Variants in SLC25A36 observed in about 807,000 individuals in gnomAD.
SLC25A36 encodes the protein solute carrier family 25 member 36.
A neutral mutation model predicts 35.3 loss-of-function variants in SLC25A36; 24 were observed. The observed-to-expected ratio is 0.68, with a 90% CI of 0.49 to 0.96. The LOEUF is 0.96. Ranked by LOEUF, SLC25A36 falls within the 40% of genes least tolerant of loss-of-function variation. SLC25A36 has a pLI of 0.00. For synonymous variants in SLC25A36, 141 were observed against 132.2 expected (o/e 1.07, Z -0.46); for missense variants, 294 against 381.1 (o/e 0.77, Z 1.90).
In SLC25A36 at chr3:140,973,888, A is replaced by G. The variant is rs1438981308; in HGVS notation, c.625A>G (p.Thr209Ala). ...AAAACAAAAACTACTGGAATATAAGACTGCTTCTACAATGGAAAATGATGA... is the reference window on the plus strand; with the variant it reads ...AAAACAAAAACTACTGGAATATAAGGCTGCTTCTACAATGGAAAATGATGA... Reference protein sequence around the residue: ...SIKQKLLEYKTASTMENDEES... With the variant: ...SIKQKLLEYKAASTMENDEES... The change falls in exon 6 of 7, where the codon ACT (threonine) becomes GCT (alanine). Residue 209 changes from threonine to alanine, a missense_variant. By Grantham distance (58) the Thr-to-Ala change is moderately conservative. Coordinates refer to ENST00000324194, the MANE Select transcript of SLC25A36 (RefSeq NM_001104647.3). 1.9e-6 allele frequency: 3 copies of G among 1,613,432 alleles called. No homozygotes were observed. Among genetic ancestry groups the G allele is most frequent in the East Asian group, 2.2e-5 (1 of 44,868 alleles).
At chr3:140,947,439 C>G (rs555996171) in intron 1 of SLC25A36, among the ~76,000 whole-genome samples, 1 of 152,172 alleles carries the variant, frequency 6.6e-6, no homozygotes, top group Admixed American at 6.5e-5. Flanking sequence ...CTTTGAAGCT[C>G]CCAACAAAGG....
intron 1 of SLC25A36, among the ~76,000 whole-genome samples, chr3:140,945,022 A>G (rs1934125369): frequency 6.6e-6 from 1 of 152,204 alleles, no homozygotes; most frequent in Non-Finnish European, 1.5e-5. Flanking sequence ...GCTCTGTTTA[A>G]GCTGCTATTA....
chr3:140,955,466 T>G (rs1292570522), intron 1 of SLC25A36, among the ~76,000 whole-genome samples: 2 of 152,216 alleles, frequency 1.3e-5, no homozygotes, highest in Non-Finnish European at 2.9e-5. Context: ...ATTAATGTTT[T>G]AAGAGGAAAT....
chr3:140,967,182 A>G (rs1402277177), intron 4 of SLC25A36: 4 of 394,764 alleles, frequency 1.0e-5, no homozygotes, highest in African/African-American at 8.3e-5. Context: ...TTCCTTTATA[A>G]TATTCCTTCT....
intron 4 of SLC25A36, chr3:140,968,056 A>G: frequency 1.0e-6 from 1 of 984,994 alleles, no homozygotes; most frequent in Non-Finnish European, 1.2e-6. Flanking sequence ...TAGTGGGAAG[A>G]TATGTTTAGC....
chr3:140,945,779 A>G (rs1044724566), intron 1 of SLC25A36, among the ~76,000 whole-genome samples: 2 of 151,666 alleles, frequency 1.3e-5, no homozygotes, highest in African/African-American at 4.8e-5. Flanking sequence ...AAGAATGCTC[A>G]TGAAGGAGTA....
intron 4 of SLC25A36, chr3:140,967,993 CTAAAT>C: frequency 1.0e-6 from 1 of 984,954 alleles, no homozygotes; most frequent in Non-Finnish European, 1.2e-6. Flanking sequence ...TAGGCAATTT[CTAAAT>C]TTCAGGGGCA....
intron 2 of SLC25A36, among the ~76,000 whole-genome samples, chr3:140,958,955 ATGTT>A (rs1934551928): frequency 7.4e-6 from 1 of 134,842 alleles, no homozygotes; most frequent in South Asian, 2.4e-4. Context: ...TGAAAAAACA[ATGTT>A]TTGTGTGTGT....
chr3:140,951,840 TGTC>T (rs1934333390), intron 1 of SLC25A36, among the ~76,000 whole-genome samples: 1 of 151,948 alleles, frequency 6.6e-6, no homozygotes, highest in Non-Finnish European at 1.5e-5. Flanking sequence ...TTGTTGTTGT[TGTC>T]ATTGTTTTGA....
At chr3:140,964,484 T>G (rs919456691) in intron 4 of SLC25A36, 2 of 151,954 alleles carry the variant, frequency 1.3e-5, no homozygotes, top group African/African-American at 4.8e-5. Flanking sequence ...TTCTTTCATT[T>G]AGTGTTATAG....
At chr3:140,960,244 T>TA (rs1183727717) in intron 3 of SLC25A36, among the ~76,000 whole-genome samples, 1 of 152,192 alleles carries the variant, frequency 6.6e-6, no homozygotes, top group Admixed American at 6.5e-5. Flanking sequence ...ATACTCCTGA[T>TA]ATTTTGAGAT....
chr3:140,951,038 T>C (rs1363931771), intron 1 of SLC25A36, among the ~76,000 whole-genome samples: 1 of 152,142 alleles, frequency 6.6e-6, no homozygotes, highest in African/African-American at 2.4e-5. Context: ...CCCTCTTGAA[T>C]ACTTGGTGCC....
At chr3:140,975,798 T>G (rs1190495501) in intron 6 of SLC25A36, among the ~76,000 whole-genome samples, 1 of 152,254 alleles carries the variant, frequency 6.6e-6, no homozygotes, top group African/African-American at 2.4e-5. Flanking sequence ...GTCCACATGA[T>G]GTTTCACATT....
intron 1 of SLC25A36, among the ~76,000 whole-genome samples, chr3:140,943,818 C>T (rs1168647494): frequency 3.9e-5 from 6 of 152,114 alleles, no homozygotes; most frequent in Non-Finnish European, 7.4e-5. Context: ...TAAATGTTAG[C>T]TTGATTGCAC....
rs2107793312 is a variant in SLC25A36, at chr3:140,956,587, G to A, written c.102G>A (p.Leu34=). The A allele has an allele frequency of 2.5e-6, 4 of 1,612,784 alleles. No homozygotes were observed. The highest frequency in any genetic ancestry group is 3.4e-6 in the Non-Finnish European group (4 of 1,179,764). The part of the protein sequence containing the change: ...TCPLEVVKTR[L]QSSSVTLYIS... ...CACTGGAAGTTGTAAAAACACGACT[G>A]CAGTCATCTTCTGTGACGCTTTATA... Residue 34 remains leucine, a synonymous_variant, in exon 2 of 7, where the codon CTG becomes CTA. Transcript: ENST00000324194.
At chr3:140,962,809 T>A (rs999698015) in intron 3 of SLC25A36, among the ~76,000 whole-genome samples, 4 of 152,086 alleles carry the variant, frequency 2.6e-5, no homozygotes, top group Non-Finnish European at 4.4e-5. Context: ...GTTTTTATTT[T>A]TTTTTAATTT....
intron 4 of SLC25A36, chr3:140,965,627 G>T (rs1934739704): frequency 6.6e-6 from 1 of 151,562 alleles, no homozygotes; most frequent in Non-Finnish European, 1.5e-5. Flanking sequence ...ATTTAAAGTG[G>T]GTCTTTTTAT....
At chr3:140,961,889 A>T (rs1293899169) in intron 3 of SLC25A36, among the ~76,000 whole-genome samples, 1 of 142,682 alleles carries the variant, frequency 7.0e-6, no homozygotes, top group Non-Finnish European at 1.5e-5. Flanking sequence ...AAAAAAAGGC[A>T]TACTGGATTT....
chr3:140,943,202 C>A (rs1376837043), intron 1 of SLC25A36, among the ~76,000 whole-genome samples: 2 of 152,176 alleles, frequency 1.3e-5, no homozygotes, highest in South Asian at 2.1e-4. Context: ...GAGACTCTTA[C>A]CGGCATCTTC....
Sources: gnomAD v4.1 joint callset for allele counts (sites outside exome capture counted in the v4.1 genomes callset) on GRCh38, gnomAD v4.1.1 for gene constraint, MANE v1.5 for transcripts, NCBI Gene and HGNC (gene_info 2026-07-23, HGNC 2026-07-21) for gene names.